SHLD1: variants seen among roughly 807,000 people sequenced by gnomAD.
SHLD1 encodes the protein RINN1-REV7-interacting novel NHEJ regulator 3.
Under a neutral mutation model 5.5 loss-of-function variants are expected in SHLD1, and 3 were observed. That is an observed-to-expected ratio of 0.54 (90% CI 0.25 to 1.40). The LOEUF (loss-of-function observed/expected upper bound fraction) is 1.40, where lower values mean the gene tolerates loss of function less well. Ranked by LOEUF, SHLD1 falls within the 40% of genes most tolerant of loss-of-function variation. The pLI, the probability that SHLD1 is intolerant of heterozygous loss-of-function variation, is 0.15. For missense variants in SHLD1, 210 were observed against 244.4 expected (o/e 0.86, Z 0.94); for synonymous variants, 92 against 94.3 (o/e 0.98, Z 0.14).
intron 2 of SHLD1, among the ~76,000 whole-genome samples, chr20:5,804,745 T>G (rs142668193): frequency 1.3e-5 from 2 of 152,364 alleles, no homozygotes; most frequent in Non-Finnish European, 2.9e-5. Flanking sequence ...AAGGAGCCTC[T>G]TGTTCAATTT....
chr20:5,812,160 C>T lies in SHLD1; in HGVS notation c.178+39117C>T, dbSNP rs185252462. Among the ~76,000 whole-genome samples the T allele has an allele frequency of 2.1e-4, 31 of 148,448 alleles. 1 individual carries two copies. Among genetic ancestry groups the T allele is most frequent in the Middle Eastern group, 6.9e-3 (2 of 290 alleles). On this transcript the variant is annotated intron_variant, in intron 2 of 2. Transcript: ENST00000303142. ...TCTTAAAAACAACCTATACCAATAT[C>T]TCCACAAATCTATTAGCATTTCATA...
intron 2 of SHLD1, among the ~76,000 whole-genome samples, chr20:5,823,495 C>T (rs1015456659): frequency 4.0e-5 from 6 of 151,102 alleles, no homozygotes; most frequent in Admixed American, 2.6e-4. Flanking sequence ...GTCACCAGGC[C>T]GGAGTGTAAT....
intron 1 of SHLD1, among the ~76,000 whole-genome samples, chr20:5,765,911 G>A (rs986313280): frequency 6.6e-6 from 1 of 150,906 alleles, no homozygotes; most frequent in East Asian, 2.0e-4. Flanking sequence ...CAGCTACTGC[G>A]CCCAGCTGAC....
At chr20:5,826,224 G>T (rs2122425479) in intron 2 of SHLD1, among the ~76,000 whole-genome samples, 1 of 152,286 alleles carries the variant, frequency 6.6e-6, no homozygotes, top group East Asian at 1.9e-4. Flanking sequence ...GTTGTTTGTT[G>T]TTGAAGCTCC....
intron 2 of SHLD1, among the ~76,000 whole-genome samples, chr20:5,812,080 C>CTTTTTTTTTTTTTTTTTT (rs1200570680): frequency 1.5e-5 from 2 of 136,810 alleles, no homozygotes; most frequent in Non-Finnish European, 3.2e-5. Flanking sequence ...TTTTTTTTTT[C>CTTTTTTTTTTTTTTTTTT]TTTTTTTTTC....
rs1014698433 is a variant in SHLD1 at position 5,806,540 on chromosome 20, C to A, written c.178+33497C>A. Among the ~76,000 whole-genome samples, 4 of 152,162 alleles carry A rather than the reference C, an allele frequency of 2.6e-5. No individual in the cohort carries two copies. The highest frequency in any genetic ancestry group is 9.7e-5 in the African/African-American group (4 of 41,444). On this transcript the variant is annotated intron_variant, in intron 2 of 2. Transcript: ENST00000303142. This position sits in a 1 kb window ranked among gnomAD's most constrained non-coding sequence, Gnocchi z 7.6. Reference sequence around the variant, plus strand: ...GTTTTGATAAACTACCTCCCAAGTTCTGAAGGAATTAGGCTTAACCTAAAA... The same window carrying A: ...GTTTTGATAAACTACCTCCCAAGTTATGAAGGAATTAGGCTTAACCTAAAA...
chr20:5,827,813 G>A (rs1014228780), intron 2 of SHLD1, among the ~76,000 whole-genome samples: 2 of 152,264 alleles, frequency 1.3e-5, no homozygotes, highest in Admixed American at 6.5e-5. Context: ...TCATTACAGT[G>A]CGTACTTCAC....
At chr20:5,853,054 C>T (rs1025174425) in intron 2 of SHLD1, among the ~76,000 whole-genome samples, 1 of 152,068 alleles carries the variant, frequency 6.6e-6, no homozygotes, top group Non-Finnish European at 1.5e-5. Flanking sequence ...TTTATTATGC[C>T]TATGAAAATA....
chr20:5,818,649 G>A (rs2087568729), intron 2 of SHLD1, among the ~76,000 whole-genome samples: 1 of 152,198 alleles, frequency 6.6e-6, no homozygotes, highest in Non-Finnish European at 1.5e-5. Context: ...GCTCAAATTT[G>A]TCTCCCCAAA....
In SHLD1 at chr20:5,864,036, A is replaced by C. The variant is rs972990609; in HGVS notation, c.*573A>C. On this transcript the variant is annotated 3_prime_UTR_variant, in exon 3 of 3. Transcript: ENST00000303142. ...GGTATAAGGAATTATATCAAGTTGT[A>C]AAACTGAGACCATGTCATTGAGAAT... 6.6e-6 allele frequency: 1 copy of C among 152,332 alleles called. No individual in the cohort carries two copies. The highest frequency in any genetic ancestry group is 2.4e-5 in the African/African-American group (1 of 41,470). 9.4% of individuals were successfully genotyped at this position (152,332 alleles called of 1,614,324 possible).
At chr20:5,802,567 G>C (rs58617099) in intron 2 of SHLD1, among the ~76,000 whole-genome samples, 445 of 152,222 alleles carry the variant, frequency 2.9e-3, no homozygotes, top group African/African-American at 0.01. Context: ...GTTAGCCATC[G>C]ATGTCATCAC....
chr20:5,789,802 T>A (rs1468312084), intron 2 of SHLD1, among the ~76,000 whole-genome samples: 1 of 152,080 alleles, frequency 6.6e-6, no homozygotes, highest in Non-Finnish European at 1.5e-5. Flanking sequence ...CCGAGTGTCT[T>A]CTGTCCTCCT....
rs1269429681 is a variant in SHLD1, at chr20:5,806,058, C to A, written c.178+33015C>A. Among the ~76,000 whole-genome samples, 1 of 152,054 alleles carries A rather than the reference C, an allele frequency of 6.6e-6. No homozygotes were observed. The highest frequency in any genetic ancestry group is 1.5e-5 in the Non-Finnish European group (1 of 68,008). Reference sequence around the variant, plus strand: ...TTTTAAATATTTTTTAGAGATGCGGCCTTGCTCTGTTGCCCAGGCTAGTTT... The same window carrying A: ...TTTTAAATATTTTTTAGAGATGCGGACTTGCTCTGTTGCCCAGGCTAGTTT... On this transcript the variant is annotated intron_variant, in intron 2 of 2. Transcript: ENST00000303142. This position sits in a 1 kb window ranked among gnomAD's most constrained non-coding sequence, Gnocchi z 7.6.
chr20:5,781,501 TGA>T (rs1235027093), intron 2 of SHLD1, among the ~76,000 whole-genome samples: 1 of 152,164 alleles, frequency 6.6e-6, no homozygotes, highest in African/African-American at 2.4e-5. Flanking sequence ...GTCTTTAGAC[TGA>T]GTCTCGCTCT....
intron 2 of SHLD1, among the ~76,000 whole-genome samples, chr20:5,836,865 A>G (rs540848176): frequency 4.6e-5 from 7 of 152,354 alleles, no homozygotes; most frequent in Non-Finnish European, 7.3e-5. Flanking sequence ...ATCCCCTATT[A>G]CAAAATATAG....
At chr20:5,836,197 T>C (rs2087787350) in intron 2 of SHLD1, among the ~76,000 whole-genome samples, 1 of 152,108 alleles carries the variant, frequency 6.6e-6, no homozygotes, top group South Asian at 2.1e-4. Context: ...AGAGAGTCTC[T>C]AGTGTAAATG....
chr20:5,844,801 T>TATATATA (rs1568529085), intron 2 of SHLD1, among the ~76,000 whole-genome samples: 1 of 121,038 alleles, frequency 8.3e-6, no homozygotes, highest in African/African-American at 3.3e-5. Flanking sequence ...ATATATATAT[T>TATATATA]TTTTTTTTTT....
chr20:5,819,480 A>T (rs1360926380), intron 2 of SHLD1, among the ~76,000 whole-genome samples: 2 of 152,192 alleles, frequency 1.3e-5, no homozygotes, highest in African/African-American at 4.8e-5. Context: ...GATTTCATGC[A>T]CTGTAGGAAC....
chr20:5,840,304 C>T (rs1473664656), intron 2 of SHLD1, among the ~76,000 whole-genome samples: 1 of 152,134 alleles, frequency 6.6e-6, no homozygotes, highest in East Asian at 1.9e-4. Context: ...ATACCTATTC[C>T]AATCCCCTTT....
Sources: gnomAD v4.1 joint callset for allele counts (sites outside exome capture counted in the v4.1 genomes callset) on GRCh38, gnomAD v4.1.1 for gene constraint, Gnocchi (gnomAD v3.1) non-coding constraint, MANE v1.5 for transcripts, NCBI Gene and HGNC (gene_info 2026-07-23, HGNC 2026-07-21) for gene names.